The following MAGED1 variants were observed in gnomAD, a reference collection of about 807,000 sequenced individuals.
The protein encoded by MAGED1 is MAGE family member D1.
A neutral mutation model predicts 54.1 loss-of-function variants in MAGED1; 3 were observed. The observed-to-expected ratio is 0.06, with a 90% CI of 0.03 to 0.14. The LOEUF is 0.14. MAGED1 is among the 10% of genes least tolerant of loss of function. MAGED1 has a pLI of 1.00. For synonymous variants in MAGED1, 217 were observed against 227.3 expected (o/e 0.95, Z 0.41); for missense variants, 485 against 623.4 (o/e 0.78, Z 2.36).
chrX:51,825,305 A>G (rs1925815360), intron 1 of MAGED1, among the ~76,000 whole-genome samples: 1 of 111,334 alleles, frequency 9.0e-6, no homozygotes, highest in Non-Finnish European at 1.9e-5. Context: ...TGGGTCAGAG[A>G]GAGCTCTAAA....
intron 3 of MAGED1, chrX:51,896,005 T>G: frequency 2.5e-6 from 1 of 396,697 alleles, no homozygotes; most frequent in Non-Finnish European, 4.3e-6. Flanking sequence ...GTAACCACCA[T>G]GTGTTAAGCC....
chrX:51,862,413 C>G (rs2146987719), intron 1 of MAGED1, among the ~76,000 whole-genome samples: 1 of 110,869 alleles, frequency 9.0e-6, no homozygotes, highest in South Asian at 3.9e-4. Flanking sequence ...ACCCACCGAC[C>G]AGGACAAGAA....
chrX:51,838,781 A>G (rs781922837), intron 1 of MAGED1, among the ~76,000 whole-genome samples: 5 of 111,882 alleles, frequency 4.5e-5, no homozygotes, highest in Admixed American at 9.5e-5. Flanking sequence ...CATTGACCTC[A>G]GTGGTCAGGA....
intron 1 of MAGED1, among the ~76,000 whole-genome samples, chrX:51,842,916 A>G (rs1926553975): frequency 9.2e-6 from 1 of 109,134 alleles, no homozygotes; most frequent in Non-Finnish European, 1.9e-5. Flanking sequence ...GCTGGTCTCT[A>G]ACTCCTGAGT....
chrX:51,824,097 C>T (rs1196525903), intron 1 of MAGED1, among the ~76,000 whole-genome samples: 3 of 111,535 alleles, frequency 2.7e-5, no homozygotes, highest in African/African-American at 9.8e-5. Flanking sequence ...ATGTAGTTAC[C>T]TTTACCAGTG....
upstream of MAGED1, among the ~76,000 whole-genome samples, chrX:51,888,766 A>G: frequency 8.9e-6 from 1 of 112,094 alleles, no homozygotes. Flanking sequence ...GCACCTCTAT[A>G]CCATGTAATA....
At chrX:51,840,112 G>C (rs1320063390) in intron 1 of MAGED1, among the ~76,000 whole-genome samples, 4 of 112,087 alleles carry the variant, frequency 3.6e-5, no homozygotes, top group Admixed American at 9.5e-5. Context: ...TGAGAATTTA[G>C]TTGTCAGCTA....
intron 1 of MAGED1, among the ~76,000 whole-genome samples, chrX:51,835,503 C>T (rs782316920): frequency 9.0e-6 from 1 of 111,039 alleles, no homozygotes; most frequent in South Asian, 3.8e-4. Context: ...TGGGAATTGT[C>T]TGTACTACTA....
At chrX:51,838,821 C>T (rs1557358176) in intron 1 of MAGED1, among the ~76,000 whole-genome samples, 1 of 111,356 alleles carries the variant, frequency 9.0e-6, no homozygotes, top group South Asian at 3.8e-4. Context: ...ATAAAGCTGA[C>T]GAAGTGGAGG....
intron 1 of MAGED1, among the ~76,000 whole-genome samples, chrX:51,805,965 C>CTTTTT (rs57427122): frequency 4.1e-3 from 153 of 36,931 alleles, no homozygotes; most frequent in African/African-American, 0.015. Context: ...CTTTTCTTTT[C>CTTTTT]TTTTTTTTTT....
intron 1 of MAGED1, among the ~76,000 whole-genome samples, chrX:51,815,175 G>A (rs1557355944): frequency 9.1e-6 from 1 of 109,612 alleles, no homozygotes; most frequent in East Asian, 2.9e-4. Flanking sequence ...CCATGTTTAT[G>A]TATTTACTAT....
Position 51,840,315 on chromosome X carries a change from G to T in MAGED1, c.-37+37198G>T, listed in dbSNP as rs1452935438. On this transcript the variant is annotated intron_variant, in intron 1 of 12. Coordinates refer to the MAGED1 transcript ENST00000375772. ...CTAATACACTAAATATGGATAGATA[G>T]AACCCACATGAACCAAGGCCTTTTG... Among the ~76,000 whole-genome samples the T allele has an allele frequency of 2.7e-5, 3 of 110,693 alleles. No homozygotes were observed. In the East Asian group the frequency reaches 8.5e-4, roughly 31 times the overall value.
At chrX:51,872,747 A>G (rs1197825009) in intron 1 of MAGED1, among the ~76,000 whole-genome samples, 2 of 112,230 alleles carry the variant, frequency 1.8e-5, no homozygotes, top group African/African-American at 6.5e-5. Flanking sequence ...AGGACCAGCA[A>G]TTATAATGCA....
intron 1 of MAGED1, among the ~76,000 whole-genome samples, chrX:51,884,699 T>C (rs891791966): frequency 8.9e-6 from 1 of 111,904 alleles, no homozygotes; most frequent in African/African-American, 3.2e-5. Flanking sequence ...TTAATATGTC[T>C]CACGAACATA....
At chrX:51,839,489 C>G (rs1926375825) in intron 1 of MAGED1, among the ~76,000 whole-genome samples, 1 of 111,789 alleles carries the variant, frequency 8.9e-6, no homozygotes. Flanking sequence ...CTCTTTTGTT[C>G]TAAGAGAAAA....
intron 1 of MAGED1, among the ~76,000 whole-genome samples, chrX:51,827,897 A>G (rs1186374583): frequency 9.0e-6 from 1 of 111,645 alleles, no homozygotes; most frequent in Non-Finnish European, 1.9e-5. Flanking sequence ...TCTTTTGCTA[A>G]TACTATGGCA....
At chrX:51,844,089 C>T (rs782275187) in intron 1 of MAGED1, among the ~76,000 whole-genome samples, 1 of 111,621 alleles carries the variant, frequency 9.0e-6, no homozygotes, top group Non-Finnish European at 1.9e-5. Flanking sequence ...GGTGACAGCA[C>T]AGAAGGAAAT....
At chrX:51,835,624 G>C (rs1926218464) in intron 1 of MAGED1, among the ~76,000 whole-genome samples, 1 of 111,054 alleles carries the variant, frequency 9.0e-6, no homozygotes, top group South Asian at 3.8e-4. Flanking sequence ...GAGCCTTGTA[G>C]TTTCCTTCAT....
At chrX:51,871,987 T>A (rs1237324835) in intron 1 of MAGED1, among the ~76,000 whole-genome samples, 1 of 112,196 alleles carries the variant, frequency 8.9e-6, no homozygotes, top group African/African-American at 3.2e-5. Context: ...TGAGATGGTA[T>A]CTCATTGTGG....
Sources: gnomAD v4.1 joint callset for allele counts (sites outside exome capture counted in the v4.1 genomes callset) on GRCh38, gnomAD v4.1.1 for gene constraint, MANE v1.5 for transcripts, NCBI Gene and HGNC (gene_info 2026-07-23, HGNC 2026-07-21) for gene names.